The following PLA2G2A variants were observed in gnomAD, a reference collection of about 807,000 sequenced individuals.
PLA2G2A encodes phospholipase A2, membrane associated.
In PLA2G2A, 6 loss-of-function variants were observed where a neutral mutation model predicts 11.2. The observed-to-expected ratio is 0.54, with a 90% CI of 0.29 to 1.06. The LOEUF (loss-of-function observed/expected upper bound fraction) is 1.06, where lower values mean the gene tolerates loss of function less well. PLA2G2A is among the 50% of genes least tolerant of loss of function. The probability of loss-of-function intolerance (pLI) is 0.08; values close to 1 mark genes in which losing one functional copy is unlikely to be tolerated. For synonymous variants in PLA2G2A, 69 were observed against 65.8 expected (o/e 1.05, Z -0.23); for missense variants, 133 against 177.1 (o/e 0.75, Z 1.41).
chr1:19,975,511 G>A (rs1161334763), downstream of PLA2G2A: 12 of 633,304 alleles, frequency 1.9e-5, no homozygotes, highest in African/African-American at 1.8e-4. Context: ...TTGAGGTGGA[G>A]GAGAGCAGTA....
At chr1:19,976,421 C>A (rs1269765319) in intron 4 of PLA2G2A, among the ~76,000 whole-genome samples, 1 of 152,170 alleles carries the variant, frequency 6.6e-6, no homozygotes, top group Non-Finnish European at 1.5e-5. Context: ...TAGCTGAAGG[C>A]CAGGAGAAGG....
At chr1:19,976,768 T>C (rs1286438233) in intron 4 of PLA2G2A, among the ~76,000 whole-genome samples, 1 of 152,142 alleles carries the variant, frequency 6.6e-6, no homozygotes, top group African/African-American at 2.4e-5. Context: ...CTCCAGAATG[T>C]TGTCTTTGCC....
At chr1:19,979,084 AC>A (rs2046267317) in intron 1 of PLA2G2A, 1 of 465,970 alleles carries the variant, frequency 2.1e-6, no homozygotes, top group African/African-American at 2.0e-5. Flanking sequence ...CCCATGATAC[AC>A]TAATGAGACC....
chr1:19,978,988 CACA>C, intron 1 of PLA2G2A, 109 bp from the exon 2 acceptor site: 1 of 629,060 alleles, frequency 1.6e-6, no homozygotes. Context: ...CACACACACA[CACA>C]CACACACACA....
chr1:19,975,588 G>T, downstream of PLA2G2A: 1 of 985,910 alleles, frequency 1.0e-6, no homozygotes, highest in Non-Finnish European at 1.6e-6. Flanking sequence ...CTGGCCTCTA[G>T]GATGGGTGAG....
chr1:19,980,039 A>T (rs975059711), upstream of PLA2G2A, among the ~76,000 whole-genome samples: 2 of 152,192 alleles, frequency 1.3e-5, no homozygotes, highest in Non-Finnish European at 2.9e-5. Context: ...GCATTTGGGA[A>T]TAGAAAAGAG....
intron 3 of PLA2G2A, 90 bp downstream of exon 3, chr1:19,978,290 T>C: frequency 6.7e-7 from 1 of 1,501,708 alleles, no homozygotes; most frequent in South Asian, 1.1e-5. Flanking sequence ...CTGAGACCTC[T>C]GCGCCCATCA....
intron 3 of PLA2G2A, 82 bp downstream of exon 3, chr1:19,978,298 T>G: frequency 1.3e-6 from 2 of 1,541,466 alleles, no homozygotes; most frequent in South Asian, 2.3e-5. Context: ...TCTGCGCCCA[T>G]CAGGAACCGG....
exon 4 of PLA2G2A, chr1:19,978,105 C>A: frequency 1.2e-6 from 2 of 1,613,170 alleles, no homozygotes; most frequent in African/African-American, 1.3e-5. Context: ...TAGCAACAGT[C>A]ATGAGTGACA....
At position 19,975,952 on chromosome 1, in the gene PLA2G2A, T is replaced by G. The variant is rs958346242; in HGVS notation, c.293-109A>C. On this transcript the variant is annotated intron_variant, in intron 4 of 4. Coordinates refer to ENST00000482011, the Ensembl canonical transcript of PLA2G2A. ...AGCCCTGTCCTCCAGAAGCTCCTAG[T>G]TGGAGACAAACACCTGCGCTCCAGA... 23 of 926,656 alleles carry G rather than the reference T, an allele frequency of 2.5e-5. No individual in the cohort carries two copies. The East Asian group carries it at 3.1e-4, about 13-fold the overall frequency. 57.4% of individuals were successfully genotyped at this position (926,656 alleles called of 1,614,324 possible).
chr1:19,975,937 T>C, intron 4 of PLA2G2A, 94 bp from the exon 5 acceptor site: 1 of 1,029,830 alleles, frequency 9.7e-7, no homozygotes, highest in Non-Finnish European at 1.5e-6. Context: ...AGCCCTGTCC[T>C]CCAGAAGCTC....
At chr1:19,977,961 C>T in intron 4 of PLA2G2A, 54 bp downstream of exon 4, 2 of 1,057,732 alleles carry the variant, frequency 1.9e-6, no homozygotes, top group African/African-American at 1.6e-5. Flanking sequence ...CAGCACAGTC[C>T]CCAGCACTGT....
chr1:19,978,945 G>C (rs2046264404), intron 1 of PLA2G2A, 66 bp from the exon 2 acceptor site: 1 of 664,024 alleles, frequency 1.5e-6, no homozygotes, highest in Non-Finnish European at 2.7e-6. Flanking sequence ...GTCACACTCA[G>C]AGCACACAAG....
chr1:19,978,787 G>C, exon 2 of PLA2G2A: 1 of 1,613,994 alleles, frequency 6.2e-7, no homozygotes, highest in Non-Finnish European at 8.5e-7. Flanking sequence ...AAGAGTTCTT[G>C]GGTGACAAAT....
At position 19,975,852 on chromosome 1, in the gene PLA2G2A, A is replaced by G. The variant is rs1187122780; in HGVS notation, c.293-9T>C. On this transcript the variant is annotated splice_polypyrimidine_tract_variant and intron_variant, in intron 4 of 4. Coordinates refer to ENST00000482011, the Ensembl canonical transcript of PLA2G2A. ...GCAGGAGTCCTGTTTTGCTGAAATCATAAGAAAATAAACACAAGATGGGAG... is the reference window on the plus strand; with the variant it reads ...GCAGGAGTCCTGTTTTGCTGAAATCGTAAGAAAATAAACACAAGATGGGAG... The G allele has an allele frequency of 8.1e-6, 13 of 1,613,086 alleles. No homozygotes were observed. Among genetic ancestry groups the G allele is most frequent in the Non-Finnish European group, 1.0e-5 (12 of 1,179,340 alleles).
intron 4 of PLA2G2A, among the ~76,000 whole-genome samples, chr1:19,976,721 T>A (rs2046224349): frequency 6.6e-6 from 1 of 152,236 alleles, no homozygotes; most frequent in African/African-American, 2.4e-5. Context: ...AGCCTTCCAG[T>A]GCCACCCACC....
chr1:19,975,992 G>C (rs2046214908), intron 4 of PLA2G2A, 149 bp from the exon 5 acceptor site: 1 of 726,598 alleles, frequency 1.4e-6, no homozygotes, highest in Non-Finnish European at 2.4e-6. Context: ...TCTGACCAAT[G>C]GGGAGACAGA....
intron 4 of PLA2G2A, 152 bp downstream of exon 4, chr1:19,977,863 A>C: frequency 1.4e-6 from 1 of 693,332 alleles, no homozygotes; most frequent in Non-Finnish European, 2.7e-6. Context: ...AGTCTTTACT[A>C]CATTGGATTT....
chr1:19,978,254 C>G, intron 3 of PLA2G2A, 126 bp downstream of exon 3: 1 of 1,377,140 alleles, frequency 7.3e-7, no homozygotes, highest in Non-Finnish European at 1.0e-6. Context: ...TTCCAACATG[C>G]CGGCTGCTTT....
Sources: gnomAD v4.1 joint callset for allele counts (sites outside exome capture counted in the v4.1 genomes callset) on GRCh38, gnomAD v4.1.1 for gene constraint, MANE v1.5 for transcripts, NCBI Gene and HGNC (gene_info 2026-07-23, HGNC 2026-07-21) for gene names.